GTF3C3: variants seen among roughly 807,000 people sequenced by gnomAD.
GTF3C3 encodes the protein general transcription factor IIIC subunit 3, also known as general transcription factor 3C polypeptide 3.
Under a neutral mutation model 105.2 loss-of-function variants are expected in GTF3C3, and 75 were observed. The observed-to-expected ratio is 0.71, with a 90% CI of 0.59 to 0.86. The LOEUF (loss-of-function observed/expected upper bound fraction) is 0.86, where lower values mean the gene tolerates loss of function less well. Ranked by LOEUF, GTF3C3 falls within the 40% of genes least tolerant of loss-of-function variation. The pLI is 0.00. For synonymous variants in GTF3C3, 335 were observed against 370.4 expected (o/e 0.90, Z 1.10); for missense variants, 856 against 1,076.5 (o/e 0.80, Z 2.87).
At chr2:196,784,579 T>G (rs1404146283) in intron 8 of GTF3C3, among the ~76,000 whole-genome samples, 1 of 151,744 alleles carries the variant, frequency 6.6e-6, no homozygotes, top group African/African-American at 2.4e-5. Flanking sequence ...CAGTAATTCG[T>G]TTTTTTTCCT....
In GTF3C3 at chr2:196,769,983, T is replaced by C. The variant is rs1242910969; in HGVS notation, c.2317A>G (p.Ile773Val). Reference sequence around the variant, plus strand: ...GCCATATGAATAAAGGTTAGGCCTATACAGAAGCTATAGAGAGGTTCGTCA... The same window carrying C: ...GCCATATGAATAAAGGTTAGGCCTACACAGAAGCTATAGAGAGGTTCGTCA... Reference protein sequence around the residue: ...HPDEPLYSFCIGLTFIHMASQ... With the variant: ...HPDEPLYSFCVGLTFIHMASQ... The change falls in exon 16 of 18, where the codon ATA becomes GTA. Residue 773 changes from isoleucine (I) to valine (V), a missense_variant. Physicochemically the swap from Ile to Val is conservative, Grantham distance 29. Around this residue, in one of 3 missense-constraint regions of GTF3C3, gnomAD observed 605 missense variants for 833.6 expected, o/e 0.73. Coordinates refer to ENST00000263956, the MANE Select transcript of GTF3C3 (RefSeq NM_012086.5). 5 of 1,589,806 alleles carry C rather than the reference T, an allele frequency of 3.1e-6. No individual in the cohort carries two copies. Among genetic ancestry groups the C allele is most frequent in the South Asian group, 1.1e-5 (1 of 87,750 alleles).
At position 196,764,682 on chromosome 2, in the gene GTF3C3, T is replaced by C. The variant is rs1373810269; in HGVS notation, c.2542A>G (p.Ile848Val). ...LELPPLVVEG[I>V]ELDQLDLRRD... ...CGTAAGTCTAACTGGTCAAGTTCTATACCCTAGGGAGAAAAAGATACCTTT... is the reference window on the plus strand; with the variant it reads ...CGTAAGTCTAACTGGTCAAGTTCTACACCCTAGGGAGAAAAAGATACCTTT... The change falls in exon 18 of 18, where the codon ATA becomes GTA. Residue 848 changes from isoleucine (I) to valine (V), a missense_variant. Physicochemically the swap from Ile to Val is conservative, Grantham distance 29. Around this residue, in one of 3 missense-constraint regions of GTF3C3, gnomAD observed 134 missense variants for 128.9 expected, o/e 1.04. Transcript: ENST00000263956. 4.4e-6 allele frequency: 7 copies of C among 1,608,164 alleles called. No individual in the cohort carries two copies. In the East Asian group the frequency reaches 8.9e-5, roughly 21 times the overall value.
At chr2:196,781,342 G>GAAAAAAAAAA (rs769914255) in intron 8 of GTF3C3, among the ~76,000 whole-genome samples, 12 of 31,446 alleles carry the variant, frequency 3.8e-4, no homozygotes, top group African/African-American at 1.4e-3. Context: ...ATGTTAAGGG[G>GAAAAAAAAAA]AAAAAAAAAA....
At position 196,766,146 on chromosome 2, in the gene GTF3C3, AC is replaced by A. The variant is rs542751229; in HGVS notation, c.2538+418del. ...TTTCAGGATTTAAAATAAAAATCAG[AC>A]TTTAAACACAGATCATCATAGTATT... On this transcript the variant is annotated intron_variant, in intron 17 of 17. Coordinates refer to ENST00000263956, the MANE Select transcript of GTF3C3 (RefSeq NM_012086.5). Among the ~76,000 whole-genome samples, 29 of 152,354 alleles carry A rather than the reference AC, an allele frequency of 1.9e-4. 1 individual carries two copies. The East Asian group carries it at 5.4e-3, about 28-fold the overall frequency.
chr2:196,764,617 G>C lies in GTF3C3; in HGVS notation c.2607C>G (p.Ser869Arg). ...TTTGAGCCATTCCGGTATTCCCACTGCTCTGATAGATGAGAGACAAGTTGT... is the reference window on the plus strand; with the variant it reads ...TTTGAGCCATTCCGGTATTCCCACTCCTCTGATAGATGAGAGACAAGTTGT... ...IAYNLSLIYQSSGNTGMAQTL... is the reference protein window; with the variant it reads ...IAYNLSLIYQRSGNTGMAQTL... The change falls in exon 18 of 18, where the codon AGC becomes AGG. Residue 869 changes from serine to arginine, a missense_variant. Physicochemically the swap from Ser to Arg is moderately radical, Grantham distance 110 (BLOSUM62 -1). This residue lies in a region of GTF3C3 where 134 missense variants were observed against 128.9 expected (regional missense o/e 1.04). Transcript: ENST00000263956. The C allele has an allele frequency of 6.2e-7, 1 of 1,612,824 alleles. No individual in the cohort carries two copies. The highest frequency in any genetic ancestry group is 1.7e-5 in the Admixed American group (1 of 60,028).
At position 196,776,558 on chromosome 2, in the gene GTF3C3, G is replaced by T; in HGVS notation, c.1462C>A (p.Leu488Ile). The change falls in exon 11 of 18, where the codon CTC becomes ATC. Residue 488 changes from leucine to isoleucine, a missense_variant. Leu to Ile is a conservative substitution (Grantham distance 5). Transcript: ENST00000263956. This position sits in a 1 kb window ranked among gnomAD's most constrained non-coding sequence, Gnocchi z 4.5. The stretch of plus-strand genomic sequence containing the variant: ...AGTGAAATCCTTGCATCCAAATGGA[G>T]TGGGGCCAGATCAACCACCTTGCCA... ...SYGKVVDLAP[L>I]HLDARISLST... 6.2e-7 allele frequency: 1 copy of T among 1,614,112 alleles called. No homozygotes were observed. Among genetic ancestry groups the T allele is most frequent in the Non-Finnish European group, 8.5e-7 (1 of 1,179,976 alleles).
In GTF3C3 at chr2:196,776,046, C is replaced by T; in HGVS notation, c.1659G>A (p.Val553=). The change falls in exon 12 of 18, where the codon GTG becomes GTA. Residue 553 remains valine, a synonymous_variant. Coordinates refer to ENST00000263956, the MANE Select transcript of GTF3C3 (RefSeq NM_012086.5). The surrounding 1 kb of genome is among the most constrained non-coding windows in gnomAD (Gnocchi z 4.5). The part of the protein sequence containing the change: ...LFSQGKMYGY[V]DTLLTMLAML... ...TGGCTAACATAGTAAGTAAGGTATC[C>T]ACATAACCATACATTTTGCCTTGTG... The T allele has an allele frequency of 6.3e-7, 1 of 1,591,688 alleles. No individual in the cohort carries two copies. Among genetic ancestry groups the T allele is most frequent in the Non-Finnish European group, 8.6e-7 (1 of 1,166,026 alleles).
chr2:196,796,885 T>C (rs1699656362), intron 2 of GTF3C3, among the ~76,000 whole-genome samples: 2 of 152,186 alleles, frequency 1.3e-5, no homozygotes, highest in South Asian at 2.1e-4. Context: ...CACCCCACTT[T>C]CCTGGCAGAA....
At chr2:196,766,461 T>C in intron 17 of GTF3C3, 104 bp downstream of exon 17, 3 of 825,786 alleles carry the variant, frequency 3.6e-6, no homozygotes, top group Non-Finnish European at 5.7e-6. Flanking sequence ...TAAGAGAAAA[T>C]ACATTTTAAT....
At position 196,783,014 on chromosome 2, in the gene GTF3C3, T is replaced by C. The variant is rs569322476; in HGVS notation, c.1114+1843A>G. 1.6e-4 allele frequency among the ~76,000 whole-genome samples: 25 copies of C among 152,300 alleles called. No homozygotes were observed. The South Asian group carries it at 4.6e-3, about 28-fold the overall frequency. ...AAGAATTTAAAAATGTGACTGTCAA[T>C]AGACAATACATAATCTACCATAAAT... On this transcript the variant is annotated intron_variant, in intron 8 of 17. Transcript: ENST00000263956.
intron 7 of GTF3C3, 102 bp from the exon 8 acceptor site, chr2:196,785,031 T>C (rs1699433193): frequency 2.6e-6 from 2 of 760,408 alleles, no homozygotes; most frequent in Non-Finnish European, 2.1e-6. Flanking sequence ...TAATATAAAG[T>C]TGGGCTATAA....
chr2:196,774,291 T>C lies in GTF3C3; in HGVS notation c.1831+825A>G, dbSNP rs866017218. Among the ~76,000 whole-genome samples the C allele has an allele frequency of 2.0e-5, 3 of 152,106 alleles. No homozygotes were observed. The South Asian group carries it at 6.2e-4, about 31-fold the overall frequency. On this transcript the variant is annotated intron_variant, in intron 13 of 17. Transcript: ENST00000263956. ...CTTATAAAACTGCCAAAAGTGACCA[T>C]ATGCCAAAAAATAAGAAAATGATTA... is the stretch of plus-strand genomic sequence containing the variant.
At chr2:196,793,807 T>C (rs898570159) in intron 2 of GTF3C3, among the ~76,000 whole-genome samples, 25 of 152,230 alleles carry the variant, frequency 1.6e-4, no homozygotes, top group African/African-American at 5.8e-4. Context: ...AGTTCATTTG[T>C]ATCTCAGGAT....
rs1699268326 is a variant in GTF3C3, at chr2:196,776,866, G to A, written c.1391-237C>T. 6.6e-6 allele frequency among the ~76,000 whole-genome samples: 1 copy of A among 152,056 alleles called. No individual in the cohort carries two copies. The highest frequency in any genetic ancestry group is 6.5e-5 in the Admixed American group (1 of 15,274). Reference sequence around the variant, plus strand: ...AATTTAGGGTTCTGCTTTATTCATTGAGCATTACATTTTAAACACTGTCTT... The same window carrying A: ...AATTTAGGGTTCTGCTTTATTCATTAAGCATTACATTTTAAACACTGTCTT... On this transcript the variant is annotated intron_variant, in intron 10 of 17. Transcript: ENST00000263956. This position sits in a 1 kb window ranked among gnomAD's most constrained non-coding sequence, Gnocchi z 4.5.
chr2:196,772,565 T>A (rs28670067), intron 14 of GTF3C3, among the ~76,000 whole-genome samples: 1 of 150,862 alleles, frequency 6.6e-6, no homozygotes, highest in African/African-American at 2.4e-5. Context: ...TAATAATAAT[T>A]ATAATAATAA....
intron 8 of GTF3C3, among the ~76,000 whole-genome samples, chr2:196,781,564 A>T (rs1434025878): frequency 6.6e-6 from 1 of 151,394 alleles, no homozygotes; most frequent in African/African-American, 2.4e-5. Context: ...TGCAAATAAT[A>T]CACTATTTTA....
In GTF3C3 at chr2:196,791,300, A is replaced by G. The variant is rs544504294; in HGVS notation, c.535+37T>C. On this transcript the variant is annotated intron_variant, in intron 4 of 17. Transcript: ENST00000263956. ...CCCATTTGTTTTAAGTCAGACTATT[A>G]AACTGCTATTATTAACAAAGTCCCC... 29 of 1,608,638 alleles carry G rather than the reference A, an allele frequency of 1.8e-5. No homozygotes were observed. In the South Asian group the frequency reaches 2.4e-4, roughly 13 times the overall value.
intron 10 of GTF3C3, chr2:196,778,061 G>A (rs1699287358): frequency 6.6e-6 from 1 of 152,166 alleles, no homozygotes; most frequent in East Asian, 1.9e-4. Flanking sequence ...TCATATCTGT[G>A]ATGTGAGTGC....
At chr2:196,775,738 T>C (rs1398072004) in intron 12 of GTF3C3, among the ~76,000 whole-genome samples, 1 of 152,218 alleles carries the variant, frequency 6.6e-6, no homozygotes, top group African/African-American at 2.4e-5. Context: ...TGAGTAATTT[T>C]GGCACATAGT....
Sources: gnomAD v4.1 joint callset for allele counts (sites outside exome capture counted in the v4.1 genomes callset) on GRCh38, gnomAD v4.1.1 for gene constraint, gnomAD v4.1.1 regional missense constraint, Gnocchi (gnomAD v3.1) non-coding constraint, MANE v1.5 for transcripts, NCBI Gene and HGNC (gene_info 2026-07-23, HGNC 2026-07-21) for gene names.